The following DUXA variants were observed in gnomAD, a reference collection of about 807,000 sequenced individuals.
The protein encoded by DUXA is double homeobox protein A.
In DUXA, 25 loss-of-function variants were observed where a neutral mutation model predicts 27.5. The ratio of observed to expected loss-of-function variants is 0.91; its 90% CI spans 0.66 to 1.27. The LOEUF is 1.27. Ranked by LOEUF, DUXA falls within the 50% of genes most tolerant of loss-of-function variation. The probability of loss-of-function intolerance (pLI) is 0.00; values close to 1 mark genes in which losing one functional copy is unlikely to be tolerated. For missense variants in DUXA, 247 were observed against 242.9 expected, an observed-to-expected ratio of 1.02 and a Z score of -0.11; for synonymous variants, 90 against 80.5, an observed-to-expected ratio of 1.12 and a Z score of -0.63.
At chr19:57,160,619 T>A in intron 2 of DUXA, 24 bp downstream of exon 2, 1 of 1,610,456 alleles carries the variant, frequency 6.2e-7, no homozygotes, top group Non-Finnish European at 8.5e-7. Context: ...CTTCCAGTCC[T>A]GGAGATATTG....
chr19:57,161,913 AG>A, intron 1 of DUXA, among the ~76,000 whole-genome samples: 1 of 151,950 alleles, frequency 6.6e-6, no homozygotes, highest in Non-Finnish European at 1.5e-5. Flanking sequence ...TTTTTCAGGC[AG>A]GATCTCACTC....
Position 57,154,299 on chromosome 19 carries a change from C to T in DUXA, c.*113G>A. On this transcript the variant is annotated 3_prime_UTR_variant, in exon 6 of 6. Transcript: ENST00000554048. ...CACCACATCTGGCCAAGTCCTTTAC[C>T]ATCTTCAGAAGGCTTAGCTTGCAGT... 1 of 988,408 alleles carries T rather than the reference C, an allele frequency of 1.0e-6. No individual in the cohort carries two copies. 61.2% of individuals were successfully genotyped at this position (988,408 alleles called of 1,614,324 possible). A position where few individuals can be genotyped will look rare whatever the true frequency, so the allele number is the denominator to read the frequency against.
rs545119283 is a variant in DUXA, at chr19:57,157,126, C to T, written c.438+1202G>A. On this transcript the variant is annotated intron_variant, in intron 4 of 5. Coordinates refer to ENST00000554048, the MANE Select transcript of DUXA (RefSeq NM_001012729.2). Reference sequence around the variant, plus strand: ...AGAAGGACAGAATGAAAAATGAACACGAGACGAGGAAAGTAAAACGAAAGA... The same window carrying T: ...AGAAGGACAGAATGAAAAATGAACATGAGACGAGGAAAGTAAAACGAAAGA... Among the ~76,000 whole-genome samples, 80 of 152,216 alleles carry T rather than the reference C, an allele frequency of 5.3e-4. 2 individuals are homozygous for T. The highest frequency in any genetic ancestry group is 1.8e-3 in the African/African-American group (76 of 41,532).
chr19:57,159,527 C>A (rs567994356), intron 2 of DUXA, among the ~76,000 whole-genome samples: 1 of 152,134 alleles, frequency 6.6e-6, no homozygotes, highest in African/African-American at 2.4e-5. Context: ...ATTCTCCTGG[C>A]TCAGACTCCC....
intron 2 of DUXA, among the ~76,000 whole-genome samples, chr19:57,160,331 A>C (rs1201845289): frequency 6.6e-6 from 1 of 152,180 alleles, no homozygotes; most frequent in Non-Finnish European, 1.5e-5. Flanking sequence ...TGCCAACATG[A>C]TTTGCTCTAA....
chr19:57,159,285 G>C lies in DUXA; in HGVS notation c.181-7C>G. ...TTCGATTCTGAAACCAAATCTAAGT[G>C]AGGAAAAGAAAAGGAGAGAATTACG... On this transcript the variant is annotated splice_polypyrimidine_tract_variant and splice_region_variant and intron_variant, in intron 2 of 5. Transcript: ENST00000554048. The C allele has an allele frequency of 6.2e-7, 1 of 1,611,396 alleles. No individual in the cohort carries two copies. The highest frequency in any genetic ancestry group is 8.5e-7 in the Non-Finnish European group (1 of 1,178,470).
intron 4 of DUXA, among the ~76,000 whole-genome samples, chr19:57,155,646 A>AAGATAGATAGCTAGATAGATAGAT (rs2086989300): frequency 1.4e-5 from 2 of 144,012 alleles, no homozygotes; most frequent in Admixed American, 7.1e-5. Flanking sequence ...TGCCCAACCC[A>AAGATAGATAGCTAGATAGATAGAT]AGATAGATAG....
intron 1 of DUXA, among the ~76,000 whole-genome samples, chr19:57,165,865 T>G (rs1226939946): frequency 6.7e-6 from 1 of 148,616 alleles, no homozygotes; most frequent in South Asian, 2.1e-4. Context: ...AGTTAAGATA[T>G]CCTTGATCTT....
chr19:57,161,195 T>G (rs182960912), intron 1 of DUXA, among the ~76,000 whole-genome samples: 34 of 151,016 alleles, frequency 2.3e-4, no homozygotes, highest in African/African-American at 8.3e-4. Flanking sequence ...CGTGGTGGCG[T>G]GTGCCTGTAA....
chr19:57,166,502 G>T (rs2087055605), intron 1 of DUXA, among the ~76,000 whole-genome samples: 1 of 152,128 alleles, frequency 6.6e-6, no homozygotes, highest in African/African-American at 2.4e-5. Flanking sequence ...TAGAGACAGG[G>T]TTTCACCATG....
intron 4 of DUXA, 50 bp downstream of exon 4, chr19:57,158,278 T>C (rs2087002108): frequency 6.2e-7 from 1 of 1,600,294 alleles, no homozygotes; most frequent in African/African-American, 1.3e-5. Flanking sequence ...CTTCCCTTCC[T>C]GTATACCTAG....
In DUXA at chr19:57,158,499, G is replaced by A. The variant is rs1306032936; in HGVS notation, c.293-26C>T. 6 of 1,606,884 alleles carry A rather than the reference G, an allele frequency of 3.7e-6. No homozygotes were observed. The Admixed American group carries it at 1.0e-4, about 27-fold the overall frequency. On this transcript the variant is annotated intron_variant, in intron 3 of 5. Coordinates refer to ENST00000554048, the MANE Select transcript of DUXA (RefSeq NM_001012729.2). ...CTAGGGAAGGCATGGAAAGATGGAG[G>A]GGGGCGGTCAAGGAATATTGCAAGG... is the stretch of plus-strand genomic sequence containing the variant.
chr19:57,159,303 G>C (rs375575328), intron 2 of DUXA, 25 bp from the exon 3 acceptor site: 417 of 1,600,134 alleles, frequency 2.6e-4, no homozygotes, highest in Non-Finnish European at 3.4e-4. Flanking sequence ...GAAAAGGAGA[G>C]AATTACGTGT....
intron 1 of DUXA, among the ~76,000 whole-genome samples, chr19:57,164,983 G>T (rs35539337): frequency 0.16 from 23,910 of 151,996 alleles, 2,435 homozygotes; most frequent in Non-Finnish European, 0.23. Context: ...GGTACCAGCA[G>T]ATTTACCCAT....
In DUXA at chr19:57,158,326, A is replaced by C. The variant is rs771002422; in HGVS notation, c.438+2T>G. 6.2e-7 allele frequency: 1 copy of C among 1,611,800 alleles called. No homozygotes were observed. The highest frequency in any genetic ancestry group is 2.2e-5 in the East Asian group (1 of 44,860). ...TGGGACAACCACCTTCTTATCACTC[A>C]CTTGGACTCTTGACTCTGGAACACC... On this transcript the variant is annotated splice_donor_variant, in intron 4 of 5. Coordinates refer to ENST00000554048, the MANE Select transcript of DUXA (RefSeq NM_001012729.2). LOFTEE classifies it high-confidence loss of function.
chr19:57,155,487 A>C (rs1409990320), intron 4 of DUXA, 115 bp from the exon 5 acceptor site: 8 of 765,866 alleles, frequency 1.0e-5, no homozygotes, highest in Non-Finnish European at 1.7e-5. Flanking sequence ...CTCTCAGAGT[A>C]GCTAGTGCCA....
In DUXA at chr19:57,158,401, T is replaced by G. The variant is rs755429868; in HGVS notation, c.365A>C (p.Lys122Thr). The change falls in exon 4 of 6, where the codon AAA becomes ACA. Residue 122 changes from lysine (K) to threonine (T), a missense_variant. Coordinates refer to ENST00000554048, the MANE Select transcript of DUXA (RefSeq NM_001012729.2). ...GGAATCAATCCCAGGATATGGGTTT[T>G]TCATAAATGCCTTGATGAGAGTGTG... ...QLHTLIKAFM[K>T]NPYPGIDSRE... 21 of 1,613,728 alleles carry G rather than the reference T, an allele frequency of 1.3e-5. No individual in the cohort carries two copies. The highest frequency in any genetic ancestry group is 1.8e-4 in the Middle Eastern group (1 of 5,674).
chr19:57,154,853 A>G (rs535598390), intron 5 of DUXA, among the ~76,000 whole-genome samples: 149 of 152,222 alleles, frequency 9.8e-4, no homozygotes, highest in African/African-American at 3.5e-3. Flanking sequence ...GTGAGCCTCC[A>G]TGCCCAGCCC....
chr19:57,158,499 G>C (rs1306032936), intron 3 of DUXA, 26 bp from the exon 4 acceptor site: 44 of 1,607,002 alleles, frequency 2.7e-5, no homozygotes, highest in Non-Finnish European at 3.7e-5. Flanking sequence ...AAAGATGGAG[G>C]GGGGCGGTCA....
Sources: gnomAD v4.1 joint callset for allele counts (sites outside exome capture counted in the v4.1 genomes callset) on GRCh38, gnomAD v4.1.1 for gene constraint, MANE v1.5 for transcripts, NCBI Gene and HGNC (gene_info 2026-07-23, HGNC 2026-07-21) for gene names.